Variants in ADGRG7 observed in about 807,000 individuals in gnomAD.
The protein encoded by ADGRG7 is G-protein coupled receptor 128.
ADGRG7 carries 82 observed loss-of-function variants against 88.6 expected under a neutral mutation model. That is an observed-to-expected ratio of 0.93 (90% confidence interval 0.77 to 1.11). The LOEUF is 1.11. Among genes scored for constraint, ADGRG7 ranks in the 50% most tolerant of loss-of-function variants. The pLI is 0.00. For synonymous variants in ADGRG7, 381 were observed against 345.2 expected, an observed-to-expected ratio of 1.10 and a Z score of -1.15; for missense variants, 945 against 953.4, an observed-to-expected ratio of 0.99 and a Z score of 0.12.
intron 14 of ADGRG7, among the ~76,000 whole-genome samples, chr3:100,666,306 T>C (rs911640447): frequency 6.6e-6 from 1 of 152,094 alleles, no homozygotes; most frequent in Non-Finnish European, 1.5e-5. Flanking sequence ...TGAGTTCCCT[T>C]AGTATTTATT....
chr3:100,609,935 C>T lies in ADGRG7; in HGVS notation c.79C>T (p.Leu27=), dbSNP rs758829809. 4 of 1,613,760 alleles carry T rather than the reference C, an allele frequency of 2.5e-6. No homozygotes were observed. ...CGLLTGIILG[L]GIWRIVIRIQ... Reference sequence around the variant, plus strand: ...ACTACTGACTGGCATCATTTTGGGACTGGGCATCTGGAGGATTGTGATCAG... The same window carrying T: ...ACTACTGACTGGCATCATTTTGGGATTGGGCATCTGGAGGATTGTGATCAG... The change falls in exon 1 of 16, where the codon CTG becomes TTG. Residue 27 remains leucine, a synonymous_variant. Coordinates refer to ENST00000273352, the MANE Select transcript of ADGRG7 (RefSeq NM_032787.3).
chr3:100,614,591 C>T (rs922452222), intron 1 of ADGRG7, among the ~76,000 whole-genome samples: 6 of 152,076 alleles, frequency 3.9e-5, no homozygotes, highest in African/African-American at 1.2e-4. Context: ...TTTATTGTCA[C>T]CAAACTATTT....
chr3:100,635,265 A>G (rs1204717209), intron 4 of ADGRG7, among the ~76,000 whole-genome samples: 1 of 152,210 alleles, frequency 6.6e-6, no homozygotes, highest in African/African-American at 2.4e-5. Context: ...TGAAATAAAA[A>G]ATATGTATAA....
At chr3:100,672,665 C>A (rs1388557412) in intron 15 of ADGRG7, among the ~76,000 whole-genome samples, 1 of 152,082 alleles carries the variant, frequency 6.6e-6, no homozygotes, top group Non-Finnish European at 1.5e-5. Flanking sequence ...CCAGTTTTTG[C>A]CCATTCAGTA....
At chr3:100,633,865 A>T (rs1707492444) in intron 4 of ADGRG7, among the ~76,000 whole-genome samples, 1 of 152,160 alleles carries the variant, frequency 6.6e-6, no homozygotes, top group Admixed American at 6.5e-5. Context: ...TCAGTTTGTG[A>T]AAAAGGACTG....
intron 13 of ADGRG7, among the ~76,000 whole-genome samples, chr3:100,659,469 C>T (rs576185883): frequency 6.6e-4 from 96 of 145,868 alleles, no homozygotes; most frequent in African/African-American, 2.3e-3. Flanking sequence ...AAAAAAGGCC[C>T]ATCAATAGGA....
At chr3:100,689,809 T>A (rs1444080682) in intron 15 of ADGRG7, among the ~76,000 whole-genome samples, 1 of 152,188 alleles carries the variant, frequency 6.6e-6, no homozygotes, top group Non-Finnish European at 1.5e-5. Flanking sequence ...CCCTTAACAT[T>A]TTTTCCTTCA....
rs191755803 is a variant in ADGRG7 at position 100,646,627 on chromosome 3, C to T, written c.1169C>T (p.Ala390Val). ...SYACVYWNLS[A>V]KDWDTYGCQK... The stretch of plus-strand genomic sequence containing the variant: ...GCCTGTGTCTATTGGAATTTGTCAG[C>T]GAAGGACTGGGACACATATGGCTGT... The change falls in exon 10 of 16, where the codon GCG becomes GTG. Residue 390 changes from alanine (A) to valine (V), a missense_variant. Ala to Val is a moderately conservative substitution (Grantham distance 64, BLOSUM62 0). Coordinates refer to ENST00000273352, the MANE Select transcript of ADGRG7 (RefSeq NM_032787.3). 2.2e-5 allele frequency: 35 copies of T among 1,613,952 alleles called. No individual in the cohort carries two copies. Among genetic ancestry groups the T allele is most frequent in the East Asian group, 2.0e-4 (9 of 44,874 alleles).
Position 100,643,297 on chromosome 3 carries a change from T to A in ADGRG7, c.730T>A (p.Ser244Thr). Reference protein sequence around the residue: ...LIEQMETYSLSLGNQSVVEPN... With the variant: ...LIEQMETYSLTLGNQSVVEPN... ...TGAGCAAATGGAGACTTATTCCTTG[T>A]CTTTGGGTAATCAATCAGTGGTGGA... The change falls in exon 7 of 16, where the codon TCT becomes ACT. Residue 244 changes from serine to threonine, a missense_variant. By Grantham distance (58) the Ser-to-Thr change is moderately conservative. Coordinates refer to ENST00000273352, the MANE Select transcript of ADGRG7 (RefSeq NM_032787.3). 6.2e-7 allele frequency: 1 copy of A among 1,613,922 alleles called. No homozygotes were observed. Among genetic ancestry groups the A allele is most frequent in the Non-Finnish European group, 8.5e-7 (1 of 1,179,880 alleles).
chr3:100,646,092 T>G lies in ADGRG7; in HGVS notation c.1094T>G (p.Met365Arg). The G allele has an allele frequency of 6.2e-7, 1 of 1,613,636 alleles. No homozygotes were observed. Among genetic ancestry groups the G allele is most frequent in the South Asian group, 1.1e-5 (1 of 91,000 alleles). ...NEQDQSASVD[M>R]VFSPKYNQKE... ...CAAGATCAGAGTGCTTCTGTTGACA[T>G]GGTCTTTAGTCCAAAGGTGAGTTTT... is the stretch of plus-strand genomic sequence containing the variant. Residue 365 changes from methionine to arginine, a missense_variant, in exon 9 of 16, where the codon ATG (methionine) becomes AGG (arginine). Transcript: ENST00000273352.
At position 100,688,520 on chromosome 3, in the gene ADGRG7, C is replaced by A. The variant is rs568106228; in HGVS notation, c.2137-6224C>A. Among the ~76,000 whole-genome samples, 265 of 152,166 alleles carry A rather than the reference C, an allele frequency of 1.7e-3. 1 individual carries two copies. Among genetic ancestry groups the A allele is most frequent in the Middle Eastern group, 6.8e-3 (2 of 294 alleles). On this transcript the variant is annotated intron_variant, in intron 15 of 15. Coordinates refer to ENST00000273352, the MANE Select transcript of ADGRG7 (RefSeq NM_032787.3). Reference sequence around the variant, plus strand: ...CTTTCTCTTGTGGGCATTTAGTGCTCTAAATTTCCCTCTACACACTGCTTT... The same window carrying A: ...CTTTCTCTTGTGGGCATTTAGTGCTATAAATTTCCCTCTACACACTGCTTT...
At chr3:100,630,444 A>G (rs748297833) in intron 2 of ADGRG7, among the ~76,000 whole-genome samples, 2 of 152,164 alleles carry the variant, frequency 1.3e-5, no homozygotes, top group Non-Finnish European at 2.9e-5. Flanking sequence ...CTGTTACAGT[A>G]TCCTAGCTCA....
chr3:100,619,554 G>T (rs566968763), intron 1 of ADGRG7, among the ~76,000 whole-genome samples: 81 of 152,214 alleles, frequency 5.3e-4, no homozygotes, highest in African/African-American at 1.9e-3. Flanking sequence ...AAATAACTAA[G>T]ATCAGAGCAG....
chr3:100,613,770 C>G (rs1707189125), intron 1 of ADGRG7, among the ~76,000 whole-genome samples: 1 of 152,088 alleles, frequency 6.6e-6, no homozygotes, highest in South Asian at 2.1e-4. Flanking sequence ...ATTCTGGATA[C>G]TTGCTGTTCT....
chr3:100,685,836 C>T (rs980870714), intron 15 of ADGRG7, among the ~76,000 whole-genome samples: 7 of 152,290 alleles, frequency 4.6e-5, no homozygotes, highest in East Asian at 3.9e-4. Flanking sequence ...AATAAACATA[C>T]GTGTGCATGT....
At chr3:100,657,413 G>A (rs2094939192) in intron 13 of ADGRG7, among the ~76,000 whole-genome samples, 1 of 152,190 alleles carries the variant, frequency 6.6e-6, no homozygotes, top group African/African-American at 2.4e-5. Context: ...CCCTGACCCA[G>A]TTACCTGAAG....
At chr3:100,634,077 C>G (rs1707495857) in intron 4 of ADGRG7, among the ~76,000 whole-genome samples, 1 of 152,186 alleles carries the variant, frequency 6.6e-6, no homozygotes, top group South Asian at 2.1e-4. Flanking sequence ...TGATGCGGGT[C>G]TCAGGGCAGT....
At chr3:100,645,460 A>T (rs1280272013) in intron 8 of ADGRG7, among the ~76,000 whole-genome samples, 6 of 152,198 alleles carry the variant, frequency 3.9e-5, no homozygotes, top group African/African-American at 1.4e-4. Flanking sequence ...TTGCTCTGTG[A>T]CTTAACACCA....
chr3:100,657,522 T>C (rs2094939318), intron 13 of ADGRG7, among the ~76,000 whole-genome samples: 1 of 152,216 alleles, frequency 6.6e-6, no homozygotes, highest in Admixed American at 6.5e-5. Flanking sequence ...CACTGCTATG[T>C]AGGCCATTTC....
Sources: allele counts gnomAD v4.1 joint callset (sites outside exome capture counted in the v4.1 genomes callset), GRCh38; gene constraint gnomAD v4.1.1; transcripts MANE v1.5; gene names NCBI Gene and HGNC (gene_info 2026-07-23, HGNC 2026-07-21).